Variants in SLC35F2 observed in about 807,000 individuals in gnomAD.
SLC35F2 encodes queuine/queuosine transporter SLC35F2.
In SLC35F2, 25 loss-of-function variants were observed where a neutral mutation model predicts 38.1. The ratio of observed to expected loss-of-function variants is 0.66; its 90% CI spans 0.48 to 0.92. The LOEUF is 0.92. Ranked by LOEUF, SLC35F2 falls within the 40% of genes least tolerant of loss-of-function variation. The pLI is 0.00. For missense variants in SLC35F2, 409 were observed against 452.9 expected, an observed-to-expected ratio of 0.90 and a Z score of 0.88; for synonymous variants, 173 against 181.7, an observed-to-expected ratio of 0.95 and a Z score of 0.38.
chr11:107,802,071 T>G (rs1859317485), intron 7 of SLC35F2, among the ~76,000 whole-genome samples: 1 of 151,832 alleles, frequency 6.6e-6, no homozygotes, highest in African/African-American at 2.4e-5. Flanking sequence ...AAACCCCATC[T>G]CTACAAAAAT....
At chr11:107,799,754 A>G (rs523608) in intron 7 of SLC35F2, among the ~76,000 whole-genome samples, 94,494 of 151,194 alleles carry the variant, frequency 0.62, 30,365 homozygotes, top group African/African-American at 0.78. Context: ...TGTACTTGTA[A>G]AGACGGGGTT....
intron 1 of SLC35F2, among the ~76,000 whole-genome samples, chr11:107,830,359 G>A (rs754700400): frequency 1.6e-4 from 24 of 152,010 alleles, no homozygotes; most frequent in Non-Finnish European, 2.9e-4. Context: ...GCCGAGGCGG[G>A]CAGATCACGA....
chr11:107,833,065 T>A (rs1468096942), intron 1 of SLC35F2, among the ~76,000 whole-genome samples: 1 of 152,222 alleles, frequency 6.6e-6, no homozygotes, highest in African/African-American at 2.4e-5. Flanking sequence ...CAAGTATTAT[T>A]TATTTACTTA....
At chr11:107,806,693 C>A in intron 4 of SLC35F2, 24 bp downstream of exon 4, 1 of 1,612,276 alleles carries the variant, frequency 6.2e-7, no homozygotes, top group Non-Finnish European at 8.5e-7. Flanking sequence ...GTGATTGAAG[C>A]ACAAACATGT....
At chr11:107,812,268 C>T (rs117257922) in intron 2 of SLC35F2, among the ~76,000 whole-genome samples, 1 of 152,142 alleles carries the variant, frequency 6.6e-6, no homozygotes, top group African/African-American at 2.4e-5. Context: ...ACTCCTGCAA[C>T]AGCTCACCAG....
rs539117604 is a variant in SLC35F2, at chr11:107,838,224, A to C, written c.110+20434T>G. On this transcript the variant is annotated intron_variant, in intron 1 of 7. Transcript: ENST00000525815. ...TGCAAGTACACTACTTGCATTTATTAGGGATTCATAAAACCTTTCTTACCT... is the reference window on the plus strand; with the variant it reads ...TGCAAGTACACTACTTGCATTTATTCGGGATTCATAAAACCTTTCTTACCT... 8.5e-5 allele frequency among the ~76,000 whole-genome samples: 13 copies of C among 152,308 alleles called. No individual in the cohort carries two copies. In the South Asian group the frequency reaches 2.7e-3, roughly 32 times the overall value.
chr11:107,805,330 G>A lies in SLC35F2; in HGVS notation c.731+29C>T, dbSNP rs370302669. On this transcript the variant is annotated intron_variant, in intron 5 of 7. Coordinates refer to ENST00000525815, the MANE Select transcript of SLC35F2 (RefSeq NM_017515.5). The stretch of plus-strand genomic sequence containing the variant: ...CATCTATAATATATTTGCTTATTTT[G>A]TCTTTAGAAAAAAATTGTAGAATCT... 529 of 1,576,622 alleles carry A rather than the reference G, an allele frequency of 3.4e-4. 2 individuals carry two copies. The highest frequency in any genetic ancestry group is 3.9e-4 in the Non-Finnish European group (459 of 1,166,900).
At chr11:107,820,560 T>G (rs1859652153) in intron 1 of SLC35F2, among the ~76,000 whole-genome samples, 1 of 152,162 alleles carries the variant, frequency 6.6e-6, no homozygotes, top group Non-Finnish European at 1.5e-5. Context: ...AGTTGGTATC[T>G]TCCTACGTTC....
Position 107,815,878 on chromosome 11 carries a change from T to A in SLC35F2, c.198A>T (p.Arg66Ser). 1 of 1,614,128 alleles carries A rather than the reference T, an allele frequency of 6.2e-7. No homozygotes were observed. The highest frequency in any genetic ancestry group is 8.5e-7 in the Non-Finnish European group (1 of 1,180,020). ...GAAGCATGGGGGTGTTCACTTTGTA[T>A]CTTTCTGCCAAATACTGGCTGGTGA... Reference protein sequence around the residue: ...TAITSQYLAERYKVNTPMLQS... With the variant: ...TAITSQYLAESYKVNTPMLQS... Residue 66 changes from arginine to serine, a missense_variant, in exon 2 of 8, where the codon AGA becomes AGT. Transcript: ENST00000525815.
At chr11:107,798,377 T>C (rs1859253245) in intron 7 of SLC35F2, among the ~76,000 whole-genome samples, 1 of 152,228 alleles carries the variant, frequency 6.6e-6, no homozygotes, top group South Asian at 2.1e-4. Context: ...AACACCTATA[T>C]AACTTGTTCA....
intron 1 of SLC35F2, among the ~76,000 whole-genome samples, chr11:107,835,233 T>C (rs1438944486): frequency 6.6e-6 from 1 of 152,212 alleles, no homozygotes; most frequent in Non-Finnish European, 1.5e-5. Context: ...CCTGGTAAAC[T>C]GCAGCCTTGT....
At chr11:107,851,583 TAAAA>T (rs1021755694) in intron 1 of SLC35F2, among the ~76,000 whole-genome samples, 1 of 151,116 alleles carries the variant, frequency 6.6e-6, no homozygotes, top group African/African-American at 2.4e-5. Context: ...AAATTTTTTC[TAAAA>T]AAAAGGGATG....
chr11:107,824,559 A>G (rs579485), intron 1 of SLC35F2, among the ~76,000 whole-genome samples: 89,384 of 152,100 alleles, frequency 0.59, 28,536 homozygotes, highest in African/African-American at 0.87. Flanking sequence ...GTGACCTTCA[A>G]GAAAAGATTA....
intron 7 of SLC35F2, among the ~76,000 whole-genome samples, chr11:107,801,865 TACCATTA>T (rs1859315311): frequency 6.6e-6 from 1 of 152,218 alleles, no homozygotes; most frequent in African/African-American, 2.4e-5. Flanking sequence ...ATATTGGCTT[TACCATTA>T]ACCAGCTGCT....
At chr11:107,810,343 A>G in intron 3 of SLC35F2, 9 of 985,360 alleles carry the variant, frequency 9.1e-6, no homozygotes, top group Non-Finnish European at 1.1e-5. Flanking sequence ...TCCAACTGTA[A>G]GTGTTCTGTT....
chr11:107,852,542 C>T (rs372627431), intron 1 of SLC35F2, among the ~76,000 whole-genome samples: 231 of 120,652 alleles, frequency 1.9e-3, no homozygotes, highest in African/African-American at 6.6e-3. Context: ...CAGTGCGAGA[C>T]TCCACCTCAA....
chr11:107,852,095 C>T (rs1429084354), intron 1 of SLC35F2, among the ~76,000 whole-genome samples: 1 of 152,118 alleles, frequency 6.6e-6, no homozygotes, highest in Non-Finnish European at 1.5e-5. Flanking sequence ...ACAGGTGTAT[C>T]CCAGACCTGT....
intron 7 of SLC35F2, among the ~76,000 whole-genome samples, chr11:107,801,643 AAT>A (rs1491049642): frequency 1.4e-5 from 2 of 143,382 alleles, no homozygotes; most frequent in Non-Finnish European, 3.1e-5. Context: ...AAAAAAAAAA[AAT>A]AGATGAGAAC....
intron 7 of SLC35F2, among the ~76,000 whole-genome samples, chr11:107,793,723 G>A (rs1433173891): frequency 6.6e-6 from 1 of 152,132 alleles, no homozygotes; most frequent in Admixed American, 6.5e-5. Context: ...AGCCCAAAGA[G>A]GTGACTGAGT....
Sources: gnomAD v4.1 joint callset for allele counts (sites outside exome capture counted in the v4.1 genomes callset) on GRCh38, gnomAD v4.1.1 for gene constraint, MANE v1.5 for transcripts, NCBI Gene and HGNC (gene_info 2026-07-23, HGNC 2026-07-21) for gene names.